ANO3: variants seen among roughly 807,000 people sequenced by gnomAD.
The protein encoded by ANO3 is anoctamin-3.
A neutral mutation model predicts 144.8 loss-of-function variants in ANO3; 99 were observed. That is an observed-to-expected ratio of 0.68 (90% confidence interval 0.58 to 0.81). ANO3 has a LOEUF of 0.81. Ranked by LOEUF, ANO3 falls within the 30% of genes least tolerant of loss-of-function variation. ANO3 has a pLI of 0.00. For synonymous variants in ANO3, 414 were observed against 392.6 expected (o/e 1.05, Z -0.64); for missense variants, 905 against 1,202.2 (o/e 0.75, Z 3.66).
chr11:26,195,266 T>C (rs760317283), intron 1 of ANO3, among the ~76,000 whole-genome samples: 13 of 152,312 alleles, frequency 8.5e-5, no homozygotes, highest in Non-Finnish European at 1.6e-4. Flanking sequence ...TAGCTTTAAG[T>C]ATTAGCAACA....
intron 1 of ANO3, among the ~76,000 whole-genome samples, chr11:26,384,205 C>T (rs1856663531): frequency 6.6e-6 from 1 of 152,006 alleles, no homozygotes; most frequent in African/African-American, 2.4e-5. Context: ...CAGCCCCACA[C>T]ATTGTTCTTT....
chr11:26,353,541 C>T (rs1345720332), intron 1 of ANO3, among the ~76,000 whole-genome samples: 1 of 152,094 alleles, frequency 6.6e-6, no homozygotes, highest in African/African-American at 2.4e-5. Flanking sequence ...ACTTCAATTC[C>T]TTCCTCCCTT....
At chr11:26,479,891 A>G (rs1339731783) in intron 4 of ANO3, among the ~76,000 whole-genome samples, 1 of 152,188 alleles carries the variant, frequency 6.6e-6, no homozygotes, top group Non-Finnish European at 1.5e-5. Flanking sequence ...TTTTGTATCA[A>G]TCATGCAACA....
At chr11:26,269,509 T>G (rs959375773) in intron 1 of ANO3, among the ~76,000 whole-genome samples, 6 of 152,192 alleles carry the variant, frequency 3.9e-5, no homozygotes, top group African/African-American at 1.4e-4. Flanking sequence ...GGGGAAAATA[T>G]GGAATGGGGG....
At chr11:26,486,554 C>G (rs906300028) in intron 4 of ANO3, among the ~76,000 whole-genome samples, 2 of 152,010 alleles carry the variant, frequency 1.3e-5, no homozygotes, top group African/African-American at 4.8e-5. Context: ...TTTGTAGGTG[C>G]AAGTTTTTGT....
chr11:26,656,571 T>G (rs1195318740), intron 26 of ANO3, 90 bp downstream of exon 26: 3 of 860,234 alleles, frequency 3.5e-6, no homozygotes, highest in African/African-American at 1.7e-5. Context: ...TTCCTCAGAC[T>G]TCCATAAAAA....
intron 17 of ANO3, among the ~76,000 whole-genome samples, chr11:26,610,718 G>GTTGTTTT (rs1164312086): frequency 6.6e-6 from 1 of 152,076 alleles, no homozygotes; most frequent in Non-Finnish European, 1.5e-5. Context: ...GAAAGATAGT[G>GTTGTTTT]TTGTTTTTTG....
rs1423644014 is a variant in ANO3 at position 26,598,369 on chromosome 11, A to G, written c.1452A>G (p.Thr484=). ...FFAIFMAIWA[T]VFLEFWKRRR... Reference sequence around the variant, plus strand: ...TATCATTTTTATATTTTATAGCCACAGTCTTCCTGGAGTTTTGGAAAAGGA... The same window carrying G: ...TATCATTTTTATATTTTATAGCCACGGTCTTCCTGGAGTTTTGGAAAAGGA... The change falls in exon 15 of 27, where the codon ACA becomes ACG. Residue 484 remains threonine (T), a synonymous_variant. Transcript: ENST00000256737. 2 of 1,524,242 alleles carry G rather than the reference A, an allele frequency of 1.3e-6. No individual in the cohort carries two copies. Among genetic ancestry groups the G allele is most frequent in the East Asian group, 2.5e-5 (1 of 40,564 alleles). The allele number at this position is 1,524,242 out of a possible 1,614,324, so 94.4% of individuals were successfully genotyped here. A position where few individuals can be genotyped will look rare whatever the true frequency, so the allele number is the denominator to read the frequency against.
chr11:26,366,367 G>T (rs932556228), intron 1 of ANO3, among the ~76,000 whole-genome samples: 1 of 152,064 alleles, frequency 6.6e-6, no homozygotes, highest in Non-Finnish European at 1.5e-5. Context: ...GTGTATATGT[G>T]CCACATTTTC....
At chr11:26,518,745 G>A (rs914707372) in intron 6 of ANO3, among the ~76,000 whole-genome samples, 11 of 151,538 alleles carry the variant, frequency 7.3e-5, no homozygotes, top group African/African-American at 2.7e-4. Flanking sequence ...AGTGATTTTG[G>A]GGGAATATTA....
chr11:26,263,511 C>G (rs1217821294), intron 1 of ANO3, among the ~76,000 whole-genome samples: 1 of 152,218 alleles, frequency 6.6e-6, no homozygotes, highest in Non-Finnish European at 1.5e-5. Context: ...TGTTATTCAT[C>G]TCTGGGTAGC....
chr11:26,615,462 C>T (rs1852232014), intron 17 of ANO3, among the ~76,000 whole-genome samples: 1 of 147,150 alleles, frequency 6.8e-6, no homozygotes, highest in Non-Finnish European at 1.5e-5. Flanking sequence ...AAACACGGGA[C>T]TTTGGACACA....
chr11:26,542,450 TG>T (rs1375859329), intron 11 of ANO3, among the ~76,000 whole-genome samples: 1 of 151,774 alleles, frequency 6.6e-6, no homozygotes, highest in East Asian at 1.9e-4. Context: ...AGAGGGAAAA[TG>T]GTCCTGGCTT....
At chr11:26,250,059 G>T (rs549151095) in intron 1 of ANO3, among the ~76,000 whole-genome samples, 1 of 152,302 alleles carries the variant, frequency 6.6e-6, no homozygotes, top group Admixed American at 6.5e-5. Flanking sequence ...CCACTGGCTA[G>T]AACTATTCTC....
At chr11:26,384,455 C>A (rs889772715) in intron 1 of ANO3, among the ~76,000 whole-genome samples, 3 of 152,028 alleles carry the variant, frequency 2.0e-5, no homozygotes, top group Non-Finnish European at 2.9e-5. Context: ...GTACTGAGAA[C>A]CTCTGAATGG....
chr11:26,577,897 A>G (rs375760933), intron 14 of ANO3, among the ~76,000 whole-genome samples: 1 of 152,214 alleles, frequency 6.6e-6, no homozygotes, highest in Admixed American at 6.5e-5. Context: ...TAGTAAAAAT[A>G]TGATAGGATC....
At chr11:26,451,114 C>T (rs1181131625) in intron 3 of ANO3, among the ~76,000 whole-genome samples, 1 of 152,038 alleles carries the variant, frequency 6.6e-6, no homozygotes, top group Non-Finnish European at 1.5e-5. Context: ...GCCAAGATGG[C>T]CGAATAGGAA....
At chr11:26,390,900 T>C (rs1466765394) in intron 1 of ANO3, among the ~76,000 whole-genome samples, 1 of 152,078 alleles carries the variant, frequency 6.6e-6, no homozygotes, top group Non-Finnish European at 1.5e-5. Flanking sequence ...ATAACCATCT[T>C]TATGACCTCC....
At chr11:26,233,968 G>A (rs534627702) in intron 1 of ANO3, among the ~76,000 whole-genome samples, 21 of 150,002 alleles carry the variant, frequency 1.4e-4, no homozygotes, top group African/African-American at 5.1e-4. Context: ...GGGAGGGAGA[G>A]CATTAGGACA....
Sources: gnomAD v4.1 joint callset for allele counts (sites outside exome capture counted in the v4.1 genomes callset) on GRCh38, gnomAD v4.1.1 for gene constraint, MANE v1.5 for transcripts, NCBI Gene and HGNC (gene_info 2026-07-23, HGNC 2026-07-21) for gene names.